ARHGAP35: variants seen among roughly 807,000 people sequenced by gnomAD.
The protein encoded by ARHGAP35 is rho GTPase-activating protein 35.
A neutral mutation model predicts 111.1 loss-of-function variants in ARHGAP35; 15 were observed. The observed-to-expected ratio is 0.13, with a 90% confidence interval of 0.09 to 0.21. The LOEUF is 0.21. Among genes scored for constraint, ARHGAP35 ranks in the 10% least tolerant of loss-of-function variants. ARHGAP35 has a pLI of 1.00. For missense variants in ARHGAP35, 1,262 were observed against 1,873.0 expected (o/e 0.67, Z 6.02); for synonymous variants, 643 against 710.3 (o/e 0.91, Z 1.51).
At position 46,999,306 on chromosome 19, in the gene ARHGAP35, A is replaced by G; in HGVS notation, c.4039A>G (p.Ile1347Val). ...MQIDLVEAHK[I>V]NDREQKLHAL... ...GCTTTGGTTTTCTCTCTCCTCAGAAATCAACGACCGGGAGCAGAAGTTGCA... is the reference window on the plus strand; with the variant it reads ...GCTTTGGTTTTCTCTCTCCTCAGAAGTCAACGACCGGGAGCAGAAGTTGCA... The change falls in exon 6 of 7, where the codon ATC becomes GTC. Residue 1347 changes from isoleucine to valine, a missense_variant and splice_region_variant. Around this residue, in one of 8 missense-constraint regions of ARHGAP35, gnomAD observed 50 missense variants for 60.5 expected, o/e 0.83. Transcript: ENST00000672722. This position sits in a 1 kb window ranked among gnomAD's most constrained non-coding sequence, Gnocchi z 5.4. The G allele has an allele frequency of 6.3e-7, 1 of 1,581,126 alleles. No individual in the cohort carries two copies. Among genetic ancestry groups the G allele is most frequent in the African/African-American group, 1.3e-5 (1 of 74,300 alleles).
chr19:46,930,345 G>T (rs1198580113), intron 2 of ARHGAP35, among the ~76,000 whole-genome samples: 1 of 151,458 alleles, frequency 6.6e-6, no homozygotes, highest in African/African-American at 2.4e-5. Context: ...GGGCAACACA[G>T]TGAGACGCTG....
chr19:46,933,817 T>C (rs2122219986), intron 2 of ARHGAP35, among the ~76,000 whole-genome samples: 1 of 152,276 alleles, frequency 6.6e-6, no homozygotes, highest in Middle Eastern at 3.4e-3. Context: ...CGAGACCCTA[T>C]CTAAAAAAGA....
rs540905012 is a variant in ARHGAP35 at position 47,000,631 on chromosome 19, C to G, written c.4443C>G (p.Pro1481=). The stretch of plus-strand genomic sequence containing the variant: ...CCCCACAGTCGCCTCCACCCACCCC[C>G]CAGTCCCCAATGCAGCCACTGCTTC... ...PSPPQSPPPT[P]QSPMQPLLPS... Residue 1481 remains proline, a synonymous_variant, in exon 7 of 7, where the codon CCC becomes CCG. Transcript: ENST00000672722. This position sits in a 1 kb window ranked among gnomAD's most constrained non-coding sequence, Gnocchi z 6.9. The G allele has an allele frequency of 2.5e-6, 4 of 1,609,630 alleles. No individual in the cohort carries two copies. The Admixed American group carries it at 5.0e-5, about 20-fold the overall frequency.
intron 1 of ARHGAP35, among the ~76,000 whole-genome samples, chr19:46,861,994 G>A (rs1398652516): frequency 6.6e-6 from 1 of 152,036 alleles, no homozygotes; most frequent in Non-Finnish European, 1.5e-5. Context: ...TGACCCTTCC[G>A]TGCCCCAGCT....
chr19:46,904,358 T>G (rs1450191144), intron 1 of ARHGAP35, among the ~76,000 whole-genome samples: 1 of 152,204 alleles, frequency 6.6e-6, no homozygotes, highest in African/African-American at 2.4e-5. Context: ...AGAAGAATCT[T>G]AGGAATTTTT....
rs1212415029 is a variant in ARHGAP35, at chr19:46,879,829, T to G, written c.-189+18620T>G. Among the ~76,000 whole-genome samples, 5 of 147,932 alleles carry G rather than the reference T, an allele frequency of 3.4e-5. No homozygotes were observed. The South Asian group carries it at 1.1e-3, about 32-fold the overall frequency. ...CGCTGGGTGCAGTGGCCAACCCCTG[T>G]GACCCCAGCACTTTGAGAGGCCAAG... On this transcript the variant is annotated intron_variant, in intron 1 of 6. Transcript: ENST00000672722.
intron 1 of ARHGAP35, among the ~76,000 whole-genome samples, chr19:46,866,515 C>T (rs2055858144): frequency 6.6e-6 from 1 of 152,176 alleles, no homozygotes; most frequent in Non-Finnish European, 1.5e-5. Flanking sequence ...CTCTGGGCTT[C>T]ACCTTCCTAG....
chr19:47,000,684 T>G lies in ARHGAP35; in HGVS notation c.4496T>G (p.Leu1499Arg), dbSNP rs1353234526. The change falls in exon 7 of 7, where the codon CTG becomes CGG. Residue 1499 changes from leucine (L) to arginine (R), a missense_variant. Around this residue, in one of 8 missense-constraint regions of ARHGAP35, gnomAD observed 75 missense variants for 87.0 expected, o/e 0.86. Transcript: ENST00000672722. This position sits in a 1 kb window ranked among gnomAD's most constrained non-coding sequence, Gnocchi z 6.9. ...LPSQLQAEHT[L>R] Reference sequence around the variant, plus strand: ...TCCCAGCTTCAAGCCGAACACACGCTGTGAGCCACCAAGACCTGGGGCGAC... The same window carrying G: ...TCCCAGCTTCAAGCCGAACACACGCGGTGAGCCACCAAGACCTGGGGCGAC... The G allele has an allele frequency of 6.3e-7, 1 of 1,575,830 alleles. No homozygotes were observed. The highest frequency in any genetic ancestry group is 8.6e-7 in the Non-Finnish European group (1 of 1,160,390).
intron 2 of ARHGAP35, among the ~76,000 whole-genome samples, chr19:46,928,243 G>A (rs767481610): frequency 6.6e-6 from 1 of 152,010 alleles, no homozygotes; most frequent in Non-Finnish European, 1.5e-5. Flanking sequence ...AAAAAATTAC[G>A]ATAGGCAACC....
intron 1 of ARHGAP35, among the ~76,000 whole-genome samples, chr19:46,889,028 C>T (rs1246628067): frequency 1.3e-5 from 2 of 151,520 alleles, no homozygotes; most frequent in Admixed American, 1.3e-4. Context: ...ACAAAAAACC[C>T]TGTTCTTGGA....
chr19:47,003,924 A>G lies in ARHGAP35; in HGVS notation c.*3236A>G, dbSNP rs1160044089. 8 of 151,798 alleles carry G rather than the reference A, an allele frequency of 5.3e-5. No homozygotes were observed. Among genetic ancestry groups the G allele is most frequent in the African/African-American group, 1.7e-4 (7 of 41,014 alleles). The allele number at this position is 151,798 out of a possible 1,614,324, so 9.4% of individuals were successfully genotyped here. On this transcript the variant is annotated 3_prime_UTR_variant, in exon 7 of 7. Transcript: ENST00000672722. The stretch of plus-strand genomic sequence containing the variant: ...CACCAGGCATTCTGGACACGCACAC[A>G]CACACACACACACACACACACACAC...
At position 46,993,490 on chromosome 19, in the gene ARHGAP35, C is replaced by T. The variant is rs1285953457; in HGVS notation, c.4036+3815C>T. 6.6e-6 allele frequency among the ~76,000 whole-genome samples: 1 copy of T among 152,184 alleles called. No individual in the cohort carries two copies. Among genetic ancestry groups the T allele is most frequent in the Non-Finnish European group, 1.5e-5 (1 of 68,036 alleles). On this transcript the variant is annotated intron_variant, in intron 5 of 6. Coordinates refer to ENST00000672722, the MANE Select transcript of ARHGAP35 (RefSeq NM_004491.5). This position sits in a 1 kb window ranked among gnomAD's most constrained non-coding sequence, Gnocchi z 4.6. ...GGGTCTCTGCCGCCACTTTGTTTGA[C>T]CTTGGACCGGTATTCTGGCTTTGTG...
intron 1 of ARHGAP35, among the ~76,000 whole-genome samples, chr19:46,900,502 T>G (rs1281294308): frequency 6.6e-6 from 1 of 152,220 alleles, no homozygotes; most frequent in African/African-American, 2.4e-5. Flanking sequence ...ATTACAGGCG[T>G]GAGCCACCAT....
intron 1 of ARHGAP35, among the ~76,000 whole-genome samples, chr19:46,893,862 T>A (rs1156540246): frequency 6.6e-6 from 1 of 151,394 alleles, no homozygotes; most frequent in Admixed American, 6.6e-5. Context: ...TGCCTTAACA[T>A]AAGTTCGTTC....
intron 1 of ARHGAP35, among the ~76,000 whole-genome samples, chr19:46,892,547 A>G (rs931997945): frequency 6.6e-6 from 1 of 151,806 alleles, no homozygotes; most frequent in Non-Finnish European, 1.5e-5. Context: ...TTGATCCTGA[A>G]ATTGTCCATT....
chr19:46,940,788 G>C (rs188086867), intron 3 of ARHGAP35, among the ~76,000 whole-genome samples: 1 of 151,988 alleles, frequency 6.6e-6, no homozygotes, highest in African/African-American at 2.4e-5. Context: ...ATATTTCATC[G>C]TGATCAAGTT....
At chr19:46,867,944 AC>A (rs772050603) in intron 1 of ARHGAP35, among the ~76,000 whole-genome samples, 24 of 152,088 alleles carry the variant, frequency 1.6e-4, no homozygotes, top group Non-Finnish European at 3.4e-4. Context: ...TCAGCTCACT[AC>A]AAAGTCCGCC....
In ARHGAP35 at chr19:46,919,155, T is replaced by C; in HGVS notation, c.480T>C (p.Phe160=). The C allele has an allele frequency of 3.7e-6, 6 of 1,613,988 alleles. No homozygotes were observed. Among genetic ancestry groups the C allele is most frequent in the Non-Finnish European group, 5.1e-6 (6 of 1,179,884 alleles). The change falls in exon 2 of 7, where the codon TTT becomes TTC. Residue 160 remains phenylalanine (F), a synonymous_variant. Transcript: ENST00000672722. The surrounding 1 kb of genome is among the most constrained non-coding windows in gnomAD (Gnocchi z 6.2). Reference sequence around the variant, plus strand: ...ACGGAAAGCTGCTGGTTGATGGTTTTCTTCTTGGTATTGATGTTAGCAGGG... The same window carrying C: ...ACGGAAAGCTGCTGGTTGATGGTTTCCTTCTTGGTATTGATGTTAGCAGGG... The part of the protein sequence containing the change: ...MPDGKLLVDG[F]LLGIDVSRGM...
Position 46,999,749 on chromosome 19 carries a change from G to C in ARHGAP35, c.4142+340G>C. The C allele has an allele frequency of 3.4e-6, 1 of 291,834 alleles. No individual in the cohort carries two copies. The allele number at this position is 291,834 out of a possible 1,614,324, so 18.1% of individuals were successfully genotyped here. A position where few individuals can be genotyped will look rare whatever the true frequency, so the allele number is the denominator to read the frequency against. The stretch of plus-strand genomic sequence containing the variant: ...GAGAGAAGATCTTCTGGTTGGTACT[G>C]ATGCTCCAGAAATCTTCTCCTGAAT... On this transcript the variant is annotated intron_variant, in intron 6 of 6. Coordinates refer to ENST00000672722, the MANE Select transcript of ARHGAP35 (RefSeq NM_004491.5). This position sits in a 1 kb window ranked among gnomAD's most constrained non-coding sequence, Gnocchi z 5.4.
Sources: gnomAD v4.1 joint callset for allele counts (sites outside exome capture counted in the v4.1 genomes callset) on GRCh38, gnomAD v4.1.1 for gene constraint, gnomAD v4.1.1 regional missense constraint, Gnocchi (gnomAD v3.1) non-coding constraint, MANE v1.5 for transcripts, NCBI Gene and HGNC (gene_info 2026-07-23, HGNC 2026-07-21) for gene names.